IL1RAPL1: variants seen among roughly 807,000 people sequenced by gnomAD.
IL1RAPL1 encodes the protein interleukin 1 receptor accessory protein like 1.
Under a neutral mutation model 48.4 loss-of-function variants are expected in IL1RAPL1, and 3 were observed. The ratio of observed to expected loss-of-function variants is 0.06; its 90% CI spans 0.03 to 0.16. The LOEUF (loss-of-function observed/expected upper bound fraction) is 0.16. Among genes scored for constraint, IL1RAPL1 ranks in the 10% least tolerant of loss-of-function variants. The pLI is 1.00. For missense variants in IL1RAPL1, 349 were observed against 530.6 expected (o/e 0.66, Z 3.36); for synonymous variants, 185 against 187.7 (o/e 0.99, Z 0.12).
intron 5 of IL1RAPL1, among the ~76,000 whole-genome samples, chrX:29,502,816 A>G (rs145036046): frequency 0.013 from 1,442 of 111,845 alleles, 33 homozygotes; most frequent in African/African-American, 0.045. Flanking sequence ...CAGGTCTTAC[A>G]GAATGAGTTT....
intron 2 of IL1RAPL1, among the ~76,000 whole-genome samples, chrX:29,233,352 A>C (rs1176430967): frequency 9.0e-6 from 1 of 111,506 alleles, no homozygotes; most frequent in African/African-American, 3.3e-5. Flanking sequence ...ACATGGCCCA[A>C]ATCAAATTAG....
intron 1 of IL1RAPL1, among the ~76,000 whole-genome samples, chrX:28,764,425 G>A (rs1176099019): frequency 1.8e-5 from 2 of 111,386 alleles, no homozygotes; most frequent in African/African-American, 6.5e-5. Flanking sequence ...ACATACAGCC[G>A]GATGCAGTGG....
At chrX:29,900,644 G>A (rs757288323) in intron 6 of IL1RAPL1, among the ~76,000 whole-genome samples, 1 of 112,014 alleles carries the variant, frequency 8.9e-6, no homozygotes, top group Non-Finnish European at 1.9e-5. Context: ...AAGGAAACTC[G>A]TTCTAATTCA....
At chrX:29,841,928 G>A (rs939545595) in intron 6 of IL1RAPL1, among the ~76,000 whole-genome samples, 1 of 112,179 alleles carries the variant, frequency 8.9e-6, no homozygotes, top group Non-Finnish European at 1.9e-5. Context: ...GAGAAGGTAT[G>A]TGTGAGATGA....
At chrX:29,244,446 G>A (rs1243308364) in intron 2 of IL1RAPL1, among the ~76,000 whole-genome samples, 1 of 111,965 alleles carries the variant, frequency 8.9e-6, no homozygotes, top group Non-Finnish European at 1.9e-5. Flanking sequence ...GCATTTTGAT[G>A]GGAGAATTAC....
Position 28,809,106 on chromosome X carries a change from A to G in IL1RAPL1, c.82+19681A>G, listed in dbSNP as rs1035073365. 4.8e-4 allele frequency among the ~76,000 whole-genome samples: 53 copies of G among 110,472 alleles called. 1 individual carries two copies. The highest frequency in any genetic ancestry group is 9.3e-4 in the Non-Finnish European group (49 of 52,426). ...GGCTGTTTGAGGTGTGTTTAATTTA[A>G]CAAGAATATGCCAGGGATTTACTAA... On this transcript the variant is annotated intron_variant, in intron 2 of 10. Transcript: ENST00000378993.
chrX:29,188,109 C>G (rs1471228612), intron 2 of IL1RAPL1, among the ~76,000 whole-genome samples: 1 of 111,785 alleles, frequency 8.9e-6, no homozygotes, highest in Admixed American at 9.5e-5. Flanking sequence ...TCCCCAGGAG[C>G]CTGCAATACT....
chrX:28,809,567 G>C (rs1206163963), intron 2 of IL1RAPL1, among the ~76,000 whole-genome samples: 1 of 110,560 alleles, frequency 9.0e-6, no homozygotes, highest in African/African-American at 3.3e-5. Context: ...GGTCATTATG[G>C]ATGACAGGTA....
chrX:28,836,696 G>A (rs1179667746), intron 2 of IL1RAPL1, among the ~76,000 whole-genome samples: 1 of 110,151 alleles, frequency 9.1e-6, no homozygotes, highest in Non-Finnish European at 1.9e-5. Context: ...ACTTAAGAAA[G>A]TTTCCTAATG....
intron 5 of IL1RAPL1, among the ~76,000 whole-genome samples, chrX:29,460,295 A>G (rs1934787562): frequency 8.9e-6 from 1 of 112,138 alleles, no homozygotes; most frequent in Admixed American, 9.4e-5. Flanking sequence ...CCCTGAGATT[A>G]GTTTATATCT....
chrX:28,612,628 A>G (rs780013044), intron 1 of IL1RAPL1, among the ~76,000 whole-genome samples: 2 of 111,995 alleles, frequency 1.8e-5, no homozygotes, highest in East Asian at 5.6e-4. Context: ...CTAGGCAAGG[A>G]CACTATTATT....
intron 2 of IL1RAPL1, among the ~76,000 whole-genome samples, chrX:28,925,909 G>A (rs1210505976): frequency 9.0e-6 from 1 of 111,655 alleles, no homozygotes; most frequent in Non-Finnish European, 1.9e-5. Flanking sequence ...GACAGAGTGA[G>A]ACTCTGTCTC....
chrX:29,284,083 T>C (rs765156120), intron 3 of IL1RAPL1, among the ~76,000 whole-genome samples: 3 of 112,474 alleles, frequency 2.7e-5, no homozygotes, highest in Non-Finnish European at 5.6e-5. Context: ...TATTTGGGCT[T>C]ATTCAGAGAA....
At chrX:28,768,745 C>A (rs868352211) in intron 1 of IL1RAPL1, among the ~76,000 whole-genome samples, 12 of 70,023 alleles carry the variant, frequency 1.7e-4, no homozygotes, top group African/African-American at 4.0e-4. Flanking sequence ...CTCTCTCTCT[C>A]TCTCTCTCTC....
chrX:29,535,134 CAA>C (rs35842937), intron 5 of IL1RAPL1, among the ~76,000 whole-genome samples: 46 of 22,579 alleles, frequency 2.0e-3, no homozygotes, highest in South Asian at 7.5e-3. Flanking sequence ...ACTCTGTCTC[CAA>C]AAAAAAAAAA....
At chrX:29,090,728 T>G (rs1330950378) in intron 2 of IL1RAPL1, among the ~76,000 whole-genome samples, 1 of 111,802 alleles carries the variant, frequency 8.9e-6, no homozygotes, top group Non-Finnish European at 1.9e-5. Flanking sequence ...AAGATTGTGC[T>G]TAGGGTTTAA....
chrX:29,216,633 C>T (rs1930874782), intron 2 of IL1RAPL1, among the ~76,000 whole-genome samples: 2 of 111,682 alleles, frequency 1.8e-5, no homozygotes, highest in African/African-American at 3.3e-5. Context: ...AACAAAAGTT[C>T]GCTGAGCTAA....
At chrX:29,733,496 C>G (rs1259346722) in intron 6 of IL1RAPL1, among the ~76,000 whole-genome samples, 1 of 112,005 alleles carries the variant, frequency 8.9e-6, no homozygotes, top group Non-Finnish European at 1.9e-5. Context: ...AGACTTGTGA[C>G]CTTCAGAACT....
intron 5 of IL1RAPL1, among the ~76,000 whole-genome samples, chrX:29,418,438 T>C (rs1934251229): frequency 9.0e-6 from 1 of 110,651 alleles, no homozygotes; most frequent in East Asian, 2.8e-4. Context: ...AAAAATAAAA[T>C]ATATTTTAAA....
Sources: allele counts gnomAD v4.1 joint callset (sites outside exome capture counted in the v4.1 genomes callset), GRCh38; gene constraint gnomAD v4.1.1; transcripts MANE v1.5; gene names NCBI Gene and HGNC (gene_info 2026-07-23, HGNC 2026-07-21).